The following UGT1A6 variants were observed in gnomAD, a reference collection of about 807,000 sequenced individuals.
The protein encoded by UGT1A6 is UDP glucuronosyltransferase family 1 member A6.
Under a neutral mutation model 44.4 loss-of-function variants are expected in UGT1A6, and 32 were observed. That is an observed-to-expected ratio of 0.72 (90% CI 0.54 to 0.97). The LOEUF is 0.97. Among genes scored for constraint, UGT1A6 ranks in the 50% least tolerant of loss-of-function variants. UGT1A6 has a pLI of 0.00. For missense variants in UGT1A6, 685 were observed against 661.9 expected, an observed-to-expected ratio of 1.03 and a Z score of -0.38; for synonymous variants, 238 against 248.5, an observed-to-expected ratio of 0.96 and a Z score of 0.40.
chr2:233,756,464 C>T (rs1262627096), intron 1 of UGT1A6: 3 of 151,912 alleles, frequency 2.0e-5, no homozygotes, highest in African/African-American at 7.3e-5. Context: ...TTTCAATCTG[C>T]TGTTGGCTGA....
chr2:233,718,712 A>G (rs2076677466), intron 1 of UGT1A6: 1 of 1,607,000 alleles, frequency 6.2e-7, no homozygotes, highest in South Asian at 1.1e-5. Context: ...TCTTCCAATT[A>G]CATGCTGATT....
chr2:233,755,087 T>C (rs758822469), intron 1 of UGT1A6: 3 of 1,335,764 alleles, frequency 2.2e-6, no homozygotes, highest in South Asian at 1.1e-5. Flanking sequence ...AGATATCGCG[T>C]TTCTACGCGT....
intron 1 of UGT1A6, among the ~76,000 whole-genome samples, chr2:233,717,599 A>T (rs1437160021): frequency 6.6e-6 from 1 of 152,232 alleles, no homozygotes; most frequent in African/African-American, 2.4e-5. Flanking sequence ...TGAGATGGAA[A>T]GTGGGCACAG....
chr2:233,747,900 C>T (rs1242605128), intron 1 of UGT1A6: 22 of 1,613,554 alleles, frequency 1.4e-5, no homozygotes, highest in Middle Eastern at 3.3e-4. Flanking sequence ...TCTTTCTGCT[C>T]CTTATGCAAG....
chr2:233,751,416 G>A (rs1308291640), intron 1 of UGT1A6, among the ~76,000 whole-genome samples: 3 of 152,160 alleles, frequency 2.0e-5, no homozygotes, highest in African/African-American at 4.8e-5. Flanking sequence ...GGACTTTTGA[G>A]CTAGTGCTGA....
In UGT1A6 at chr2:233,767,949, G is replaced by A. The variant is rs569380768; in HGVS notation, c.1081+13G>A. 2 of 1,614,196 alleles carry A rather than the reference G, an allele frequency of 1.2e-6. No homozygotes were observed. Among genetic ancestry groups the A allele is most frequent in the East Asian group, 2.2e-5 (1 of 44,890 alleles). On this transcript the variant is annotated intron_variant, in intron 3 of 4. Coordinates refer to ENST00000305139, the MANE Select transcript of UGT1A6 (RefSeq NM_001072.4). ...AACGATCTGCTTGGTATGTTGGGCG[G>A]ATTGGATGTATAGGTCAAACCAGGG...
At chr2:233,755,060 C>G (rs747080554) in intron 1 of UGT1A6, 1 of 1,334,970 alleles carries the variant, frequency 7.5e-7, no homozygotes, top group South Asian at 1.1e-5. Context: ...CCGCCCTCGC[C>G]TCGCCATAGC....
At chr2:233,710,852 T>A (rs1299633066) in intron 1 of UGT1A6, among the ~76,000 whole-genome samples, 1 of 152,250 alleles carries the variant, frequency 6.6e-6, no homozygotes, top group East Asian at 1.9e-4. Context: ...AGGATTTGTT[T>A]CTATGTTTTT....
chr2:233,702,349 GT>G (rs545005076), intron 1 of UGT1A6, among the ~76,000 whole-genome samples: 17 of 151,212 alleles, frequency 1.1e-4, no homozygotes, highest in Middle Eastern at 3.4e-3. Flanking sequence ...TGTTCTAATA[GT>G]TTTTTTTTAG....
At chr2:233,732,233 T>C (rs2078252612) in intron 1 of UGT1A6, among the ~76,000 whole-genome samples, 1 of 152,264 alleles carries the variant, frequency 6.6e-6, no homozygotes, top group South Asian at 2.1e-4. Context: ...TCTCCCATTC[T>C]GTAGGTTGCC....
chr2:233,701,914 C>A lies in UGT1A6; in HGVS notation c.861+8049C>A, dbSNP rs1358780227. 1.3e-5 allele frequency among the ~76,000 whole-genome samples: 2 copies of A among 151,990 alleles called. 1 individual carries two copies. Among genetic ancestry groups the A allele is most frequent in the Admixed American group, 1.3e-4 (2 of 15,252 alleles). ...GCAGAAAAGATCTAAAATTGACACC[C>A]TAACATCACAATTAAAAGAACTAGA... On this transcript the variant is annotated intron_variant, in intron 1 of 4. Transcript: ENST00000305139.
rs760019185 is a variant in UGT1A6, at chr2:233,760,846, C to T, written c.862-6188C>T. 1 of 1,613,970 alleles carries T rather than the reference C, an allele frequency of 6.2e-7. No individual in the cohort carries two copies. Among genetic ancestry groups the T allele is most frequent in the Non-Finnish European group, 8.5e-7 (1 of 1,179,912 alleles). On this transcript the variant is annotated intron_variant, in intron 1 of 4. Coordinates refer to ENST00000305139, the MANE Select transcript of UGT1A6 (RefSeq NM_001072.4). ...CCTGGAATTTGAGGCTACCCAGTGC[C>T]CCAACCCATTCTCCTACGTGCCCAG... is the stretch of plus-strand genomic sequence containing the variant.
At chr2:233,717,415 G>A (rs565971108) in intron 1 of UGT1A6, among the ~76,000 whole-genome samples, 4 of 152,300 alleles carry the variant, frequency 2.6e-5, no homozygotes, top group African/African-American at 9.6e-5. Flanking sequence ...TGCCTCCCTT[G>A]AGCTGGGTGT....
At chr2:233,767,722 A>T (rs1699460301) in intron 2 of UGT1A6, 127 bp from the exon 3 acceptor site, 6 of 1,548,124 alleles carry the variant, frequency 3.9e-6, no homozygotes, top group Middle Eastern at 3.4e-4. Flanking sequence ...CTTCACAGTT[A>T]CTGATCCTCC....
chr2:233,703,764 G>T (rs1013118641), intron 1 of UGT1A6, among the ~76,000 whole-genome samples: 4 of 152,032 alleles, frequency 2.6e-5, no homozygotes, highest in Admixed American at 6.6e-5. Context: ...ATCTTCTGCA[G>T]ACAAGATATT....
chr2:233,767,212 G>A (rs377453564), intron 2 of UGT1A6, 47 bp downstream of exon 2: 197 of 1,612,180 alleles, frequency 1.2e-4, no homozygotes, highest in Admixed American at 3.0e-4. Context: ...TCACAGGAGC[G>A]CTAATCCCAG....
chr2:233,754,525 G>T (rs1133497), intron 1 of UGT1A6: 18 of 367,412 alleles, frequency 4.9e-5, no homozygotes, highest in East Asian at 2.2e-4. Flanking sequence ...GTGCTTAAAG[G>T]CAAATGTGGA....
At chr2:233,747,889 C>G (rs1274333143) in intron 1 of UGT1A6, 6 of 1,613,432 alleles carry the variant, frequency 3.7e-6, no homozygotes, top group Non-Finnish European at 4.2e-6. Context: ...CTTTGCCATG[C>G]TCTTTCTGCT....
At chr2:233,744,002 G>C (rs1194406959) in intron 1 of UGT1A6, 1 of 1,192,502 alleles carries the variant, frequency 8.4e-7, no homozygotes, top group Admixed American at 2.7e-5. Flanking sequence ...AGTGCTCGGA[G>C]ACCTGGGCCG....
Sources: gnomAD v4.1 joint callset for allele counts (sites outside exome capture counted in the v4.1 genomes callset) on GRCh38, gnomAD v4.1.1 for gene constraint, MANE v1.5 for transcripts, NCBI Gene and HGNC (gene_info 2026-07-23, HGNC 2026-07-21) for gene names.